CDC42BPA: variants seen among roughly 807,000 people sequenced by gnomAD.
The protein encoded by CDC42BPA is CDC42 binding protein kinase alpha.
Under a neutral mutation model 223.5 loss-of-function variants are expected in CDC42BPA, and 80 were observed. The ratio of observed to expected loss-of-function variants is 0.36; its 90% confidence interval spans 0.30 to 0.43. The LOEUF (loss-of-function observed/expected upper bound fraction) is 0.43, where lower values mean the gene tolerates loss of function less well. CDC42BPA is among the 20% of genes least tolerant of loss of function. CDC42BPA has a pLI of 1.00. For missense variants in CDC42BPA, 1,743 were observed against 2,099.9 expected, an observed-to-expected ratio of 0.83 and a Z score of 3.32; for synonymous variants, 694 against 718.6, an observed-to-expected ratio of 0.97 and a Z score of 0.55.
At chr1:227,205,760 A>G (rs1416192115) in intron 3 of CDC42BPA, among the ~76,000 whole-genome samples, 2 of 152,114 alleles carry the variant, frequency 1.3e-5, no homozygotes, top group African/African-American at 4.8e-5. Context: ...AGAAAGGTTT[A>G]ACTCTCAGCC....
At chr1:227,084,075 T>C (rs1481452316) in intron 16 of CDC42BPA, among the ~76,000 whole-genome samples, 1 of 150,488 alleles carries the variant, frequency 6.6e-6, no homozygotes, top group Non-Finnish European at 1.5e-5. Context: ...CCTGGTTTCC[T>C]TGTTGTCACT....
chr1:227,070,366 C>T (rs557844983), intron 20 of CDC42BPA, among the ~76,000 whole-genome samples: 1 of 151,378 alleles, frequency 6.6e-6, no homozygotes, highest in South Asian at 2.1e-4. Flanking sequence ...AGGATGAAGA[C>T]TCCAAACCCC....
Position 226,994,445 on chromosome 1 carries a change from G to A in CDC42BPA, c.5134-46C>T, listed in dbSNP as rs753680256. 2.3e-5 allele frequency: 33 copies of A among 1,458,448 alleles called. No homozygotes were observed. In the South Asian group the frequency reaches 4.5e-4, roughly 20 times the overall value. The allele number at this position is 1,458,448 out of a possible 1,614,324, so 90.3% of individuals were successfully genotyped here. A position where few individuals can be genotyped will look rare whatever the true frequency, so the allele number is the denominator to read the frequency against. On this transcript the variant is annotated intron_variant, in intron 36 of 36. Transcript: ENST00000366766. This position sits in a 1 kb window ranked among gnomAD's most constrained non-coding sequence, Gnocchi z 4.0. ...CATTAATGAGAAGGAGGGGGAGAAA[G>A]GGAGGCAGAAGGGGCTCAGATTACC...
At chr1:227,159,699 T>C (rs1382218355) in intron 6 of CDC42BPA, among the ~76,000 whole-genome samples, 1 of 152,110 alleles carries the variant, frequency 6.6e-6, no homozygotes, top group African/African-American at 2.4e-5. Context: ...CTTTTTTTTT[T>C]CTTTAAAACA....
At chr1:227,130,608 G>T (rs1392094450) in intron 10 of CDC42BPA, among the ~76,000 whole-genome samples, 1 of 151,820 alleles carries the variant, frequency 6.6e-6, no homozygotes, top group East Asian at 1.9e-4. Context: ...TAATCCCAGC[G>T]CTTTGGGAGG....
chr1:227,096,575 A>G (rs147286906), intron 15 of CDC42BPA, among the ~76,000 whole-genome samples: 86 of 152,342 alleles, frequency 5.6e-4, no homozygotes, highest in African/African-American at 2.0e-3. Context: ...GATTACATCC[A>G]ACCTGCTGGC....
intron 2 of CDC42BPA, among the ~76,000 whole-genome samples, chr1:227,224,748 T>C (rs147483850): frequency 4.6e-4 from 70 of 152,378 alleles, no homozygotes; most frequent in African/African-American, 9.6e-4. Context: ...TTTGAAATCA[T>C]ACAACCTTTT....
intron 14 of CDC42BPA, among the ~76,000 whole-genome samples, chr1:227,104,361 T>C (rs893314095): frequency 2.0e-5 from 3 of 152,124 alleles, no homozygotes; most frequent in Non-Finnish European, 4.4e-5. Flanking sequence ...AAGGTAACAA[T>C]AGAAAATTGG....
At chr1:227,129,605 G>A (rs1377832320) in intron 10 of CDC42BPA, among the ~76,000 whole-genome samples, 1 of 141,978 alleles carries the variant, frequency 7.0e-6, no homozygotes, top group African/African-American at 2.6e-5. Context: ...AGGTTGAGGT[G>A]GTAGTGAGCC....
At chr1:227,123,457 G>A (rs1278492258) in intron 11 of CDC42BPA, among the ~76,000 whole-genome samples, 1 of 152,120 alleles carries the variant, frequency 6.6e-6, no homozygotes, top group Non-Finnish European at 1.5e-5. Flanking sequence ...GGCACTGTAT[G>A]GCATGGAAGA....
At chr1:227,208,647 T>C (rs1673276151) in intron 3 of CDC42BPA, among the ~76,000 whole-genome samples, 1 of 149,146 alleles carries the variant, frequency 6.7e-6, no homozygotes, top group African/African-American at 2.5e-5. Flanking sequence ...CTCAGGTTTG[T>C]CAAAGATCAG....
intron 15 of CDC42BPA, among the ~76,000 whole-genome samples, chr1:227,095,855 G>A (rs1468010936): frequency 6.6e-6 from 1 of 152,134 alleles, no homozygotes; most frequent in African/African-American, 2.4e-5. Context: ...GCCTCCCAAA[G>A]TGCTCAGATT....
At chr1:227,288,027 T>C (rs904340450) in intron 1 of CDC42BPA, among the ~76,000 whole-genome samples, 1 of 152,174 alleles carries the variant, frequency 6.6e-6, no homozygotes, top group Admixed American at 6.5e-5. Flanking sequence ...GCCTTTTCCC[T>C]TTGTTGATTT....
chr1:227,282,968 TAAA>T (rs1285646309), intron 1 of CDC42BPA, among the ~76,000 whole-genome samples: 1 of 152,044 alleles, frequency 6.6e-6, no homozygotes, highest in Non-Finnish European at 1.5e-5. Flanking sequence ...ACTATACACT[TAAA>T]AAAGATTTAA....
intron 4 of CDC42BPA, among the ~76,000 whole-genome samples, chr1:227,198,806 G>A (rs1157196077): frequency 1.3e-5 from 2 of 151,254 alleles, no homozygotes; most frequent in African/African-American, 2.4e-5. Flanking sequence ...CCAGGCTGGA[G>A]TGCAGTGGCA....
At chr1:227,043,972 G>A (rs1406054625) in intron 23 of CDC42BPA, among the ~76,000 whole-genome samples, 1 of 152,092 alleles carries the variant, frequency 6.6e-6, no homozygotes, top group African/African-American at 2.4e-5. Flanking sequence ...TATACTTCCA[G>A]TATCCACGTG....
chr1:227,265,416 T>C (rs6661396), intron 1 of CDC42BPA, among the ~76,000 whole-genome samples: 33 of 152,090 alleles, frequency 2.2e-4, no homozygotes, highest in African/African-American at 7.5e-4. Flanking sequence ...AAAAAAAGTT[T>C]CAAAAATTAG....
At chr1:227,233,038 T>A (rs1018292343) in intron 2 of CDC42BPA, among the ~76,000 whole-genome samples, 2 of 152,170 alleles carry the variant, frequency 1.3e-5, no homozygotes, top group African/African-American at 4.8e-5. Context: ...CGAGGCTCCA[T>A]GGGCGTGGGA....
intron 5 of CDC42BPA, among the ~76,000 whole-genome samples, chr1:227,174,920 T>G (rs1572143111): frequency 6.6e-6 from 1 of 152,298 alleles, no homozygotes; most frequent in South Asian, 2.1e-4. Context: ...AAAGCTGGTG[T>G]GCCTCAAGCA....
Sources: gnomAD v4.1 joint callset for allele counts (sites outside exome capture counted in the v4.1 genomes callset) on GRCh38, gnomAD v4.1.1 for gene constraint, Gnocchi (gnomAD v3.1) non-coding constraint, MANE v1.5 for transcripts, NCBI Gene and HGNC (gene_info 2026-07-23, HGNC 2026-07-21) for gene names.